The following MARVELD3 variants were observed in gnomAD, a reference collection of about 807,000 sequenced individuals.
MARVELD3 encodes MARVEL domain containing 3.
A neutral mutation model predicts 33.5 loss-of-function variants in MARVELD3; 28 were observed. The observed-to-expected ratio is 0.84, with a 90% CI of 0.62 to 1.15. The LOEUF is 1.15. Among genes scored for constraint, MARVELD3 ranks in the 50% most tolerant of loss-of-function variants. The pLI, the probability that MARVELD3 is intolerant of heterozygous loss-of-function variation, is 0.00. For synonymous variants in MARVELD3, 241 were observed against 230.4 expected (o/e 1.05, Z -0.42); for missense variants, 582 against 547.6 (o/e 1.06, Z -0.63).
chr16:71,626,936 G>T lies in MARVELD3; in HGVS notation c.467+240G>T, dbSNP rs1401548179. 3 of 438,740 alleles carry T rather than the reference G, an allele frequency of 6.8e-6. No homozygotes were observed. The highest frequency in any genetic ancestry group is 1.2e-5 in the Non-Finnish European group (3 of 253,532). 27.2% of individuals were successfully genotyped at this position (438,740 alleles called of 1,614,324 possible). A position where few individuals can be genotyped will look rare whatever the true frequency, so the allele number is the denominator to read the frequency against. ...AAACCACCCCTGTGAGCAGTGGCTG[G>T]GCTGGAGGACCTGGAGAAGAGAAAG... On this transcript the variant is annotated intron_variant, in intron 1 of 2. Coordinates refer to ENST00000268485, the MANE Select transcript of MARVELD3 (RefSeq NM_052858.6). This position sits in a 1 kb window ranked among gnomAD's most constrained non-coding sequence, Gnocchi z 5.3.
In MARVELD3 at chr16:71,634,902, G is replaced by A; in HGVS notation, c.*99G>A. The A allele has an allele frequency of 1.3e-6, 2 of 1,497,544 alleles. No individual in the cohort carries two copies. The highest frequency in any genetic ancestry group is 2.4e-5 in the Admixed American group (1 of 40,880). 92.8% of individuals were successfully genotyped at this position (1,497,544 alleles called of 1,614,324 possible). A position where few individuals can be genotyped will look rare whatever the true frequency, so the allele number is the denominator to read the frequency against. On this transcript the variant is annotated 3_prime_UTR_variant, in exon 3 of 3. Coordinates refer to ENST00000268485, the MANE Select transcript of MARVELD3 (RefSeq NM_052858.6). ...CCTTGTTGTGGAAGTTTCCAGTGCT[G>A]GAAAAGCAGCGAGCCAGCGTTGGTG...
chr16:71,639,017 A>G (rs2044599183), downstream of MARVELD3: 1 of 144,696 alleles, frequency 6.9e-6, no homozygotes, highest in Non-Finnish European at 1.5e-5. Flanking sequence ...TGAGACTGTT[A>G]CATACATGAA....
downstream of MARVELD3, chr16:71,640,242 G>A (rs748472111): frequency 6.0e-5 from 53 of 885,024 alleles, no homozygotes; most frequent in Non-Finnish European, 7.8e-5. Flanking sequence ...ACTCCAGCCT[G>A]GATGACAGAG....
At chr16:71,629,061 T>C in intron 1 of MARVELD3, 1 of 316,454 alleles carries the variant, frequency 3.2e-6, no homozygotes. Context: ...TGGTGCATGC[T>C]GAACTGAGAA....
intron 1 of MARVELD3, among the ~76,000 whole-genome samples, chr16:71,628,090 T>C (rs2044493234): frequency 2.0e-5 from 3 of 152,308 alleles, no homozygotes; most frequent in South Asian, 4.1e-4. Context: ...TGTTACATTA[T>C]CTAAAACTAA....
intron 2 of MARVELD3, among the ~76,000 whole-genome samples, chr16:71,633,549 A>G (rs1292161921): frequency 6.6e-6 from 1 of 152,056 alleles, no homozygotes; most frequent in Non-Finnish European, 1.5e-5. Flanking sequence ...GCTTACCACC[A>G]TGCCTGGCTA....
Position 71,626,581 on chromosome 16 carries a change from G to A in MARVELD3, c.352G>A (p.Gly118Arg). The A allele has an allele frequency of 6.5e-7, 1 of 1,545,568 alleles. No homozygotes were observed. The change falls in exon 1 of 3, where the codon GGA becomes AGA. Residue 118 changes from glycine (G) to arginine (R), a missense_variant. Transcript: ENST00000268485. The surrounding 1 kb of genome is among the most constrained non-coding windows in gnomAD (Gnocchi z 5.3). ...ACCGCGCCAAAGCCGGACGCGGGAC[G>A]GAGCCCGGGGACTGACCTGGGACGC... is the stretch of plus-strand genomic sequence containing the variant. ...EKPRQSRTRDGARGLTWDAAA... is the reference protein window; with the variant it reads ...EKPRQSRTRDRARGLTWDAAA...
chr16:71,629,621 C>T, intron 2 of MARVELD3, 127 bp downstream of exon 2: 1 of 515,824 alleles, frequency 1.9e-6, no homozygotes, highest in Non-Finnish European at 3.1e-6. Context: ...CATTTCTGTA[C>T]TTGTGAGGTT....
Position 71,629,491 on chromosome 16 carries a change from A to G in MARVELD3, c.592A>G (p.Arg198Gly). The G allele has an allele frequency of 6.4e-7, 1 of 1,568,326 alleles. No individual in the cohort carries two copies. Among genetic ancestry groups the G allele is most frequent in the Admixed American group, 2.0e-5 (1 of 50,726 alleles). Residue 198 changes from arginine (R) to glycine (G), a missense_variant, in exon 2 of 3, where the codon AGA becomes GGA. Transcript: ENST00000268485. ...CAAATGCAAATACTTGTGCACTGGG[A>G]GAGGTGAGCCGTTTTGCAGGCTGTT... ...CHKCKYLCTGRACCQMLEVLL... is the reference protein window; with the variant it reads ...CHKCKYLCTGGACCQMLEVLL...
downstream of MARVELD3, chr16:71,638,335 G>T (rs767223289): frequency 6.6e-6 from 1 of 152,334 alleles, no homozygotes. Context: ...GAAGTCGAAG[G>T]CCACTTAACA....
chr16:71,635,089 A>G lies in MARVELD3; in HGVS notation c.*286A>G. ...ACACCTGTAACCCCAGCACTTTGGG[A>G]GGCTGAGGTGGGTGGATCACTTGAG... is the stretch of plus-strand genomic sequence containing the variant. On this transcript the variant is annotated 3_prime_UTR_variant, in exon 3 of 3. Transcript: ENST00000268485. 1 of 1,054,044 alleles carries G rather than the reference A, an allele frequency of 9.5e-7. No individual in the cohort carries two copies. Among genetic ancestry groups the G allele is most frequent in the Non-Finnish European group, 1.2e-6 (1 of 866,930 alleles). 65.3% of individuals were successfully genotyped at this position (1,054,044 alleles called of 1,614,324 possible).
At chr16:71,637,719 T>G (rs1388346573), downstream of MARVELD3, 1 of 152,162 alleles carries the variant, frequency 6.6e-6, no homozygotes, top group African/African-American at 2.4e-5. Context: ...CCCTAGTGTG[T>G]TAGAGGGTTG....
At position 71,626,605 on chromosome 16, in the gene MARVELD3, G is replaced by T. The variant is rs1298428433; in HGVS notation, c.376G>T (p.Ala126Ser). ...CGGAGCCCGGGGACTGACCTGGGACGCAGCCGCGCCTCCTGGGCCCGCGCC... is the reference window on the plus strand; with the variant it reads ...CGGAGCCCGGGGACTGACCTGGGACTCAGCCGCGCCTCCTGGGCCCGCGCC... ...RDGARGLTWDAAAPPGPAPWE... is the reference protein window; with the variant it reads ...RDGARGLTWDSAAPPGPAPWE... Residue 126 changes from alanine (A) to serine (S), a missense_variant, in exon 1 of 3, where the codon GCA (alanine) becomes TCA (serine). By Grantham distance (99) the Ala-to-Ser change is moderately conservative (BLOSUM62 1). Coordinates refer to ENST00000268485, the MANE Select transcript of MARVELD3 (RefSeq NM_052858.6). The surrounding 1 kb of genome is among the most constrained non-coding windows in gnomAD (Gnocchi z 5.3). 1.9e-6 allele frequency: 3 copies of T among 1,541,538 alleles called. No individual in the cohort carries two copies. The highest frequency in any genetic ancestry group is 2.6e-6 in the Non-Finnish European group (3 of 1,145,950).
chr16:71,638,624 C>T (rs1162376498), downstream of MARVELD3: 2 of 152,114 alleles, frequency 1.3e-5, no homozygotes, highest in Admixed American at 6.5e-5. Context: ...AGAAACTTTT[C>T]GTTTTGAAAT....
chr16:71,638,218 T>G (rs2044594122), downstream of MARVELD3: 1 of 152,352 alleles, frequency 6.6e-6, no homozygotes, highest in Middle Eastern at 3.4e-3. Context: ...AGATCTTCAG[T>G]CTGTTGGCCT....
chr16:71,635,059 G>A lies in MARVELD3; in HGVS notation c.*256G>A. 4.3e-6 allele frequency: 5 copies of A among 1,151,878 alleles called. No individual in the cohort carries two copies. Among genetic ancestry groups the A allele is most frequent in the Non-Finnish European group, 4.3e-6 (4 of 931,004 alleles). 71.4% of individuals were successfully genotyped at this position (1,151,878 alleles called of 1,614,324 possible). On this transcript the variant is annotated 3_prime_UTR_variant, in exon 3 of 3. Transcript: ENST00000268485. ...AAGCAAAAAAATGGCCGGCCTCGGC[G>A]GCTCACACCTGTAACCCCAGCACTT...
chr16:71,641,320 G>A, downstream of MARVELD3: 1 of 333,916 alleles, frequency 3.0e-6, no homozygotes, highest in Non-Finnish European at 5.6e-6. Context: ...GGGCATGGTG[G>A]CTCACGCCTG....
At position 71,634,206 on chromosome 16, in the gene MARVELD3, G is replaced by T; in HGVS notation, c.609G>T (p.Met203Ile). 1 of 1,602,232 alleles carries T rather than the reference G, an allele frequency of 6.2e-7. No homozygotes were observed. Among genetic ancestry groups the T allele is most frequent in the Non-Finnish European group, 8.5e-7 (1 of 1,171,186 alleles). Residue 203 changes from methionine to isoleucine, a missense_variant, in exon 3 of 3, where the codon ATG becomes ATT. Met to Ile is a conservative substitution (Grantham distance 10). Transcript: ENST00000268485. ...YLCTGRACCQMLEVLLNLLIL... is the reference protein window; with the variant it reads ...YLCTGRACCQILEVLLNLLIL... ...CTTTTTTTGCAGCCTGCTGCCAAATGCTGGAGGTTCTCCTGAACTTGCTGA... is the reference window on the plus strand; with the variant it reads ...CTTTTTTTGCAGCCTGCTGCCAAATTCTGGAGGTTCTCCTGAACTTGCTGA...
chr16:71,628,092 T>C (rs2145271495), intron 1 of MARVELD3, among the ~76,000 whole-genome samples: 1 of 152,300 alleles, frequency 6.6e-6, no homozygotes, highest in Admixed American at 6.5e-5. Context: ...TTACATTATC[T>C]AAAACTAACT....
Sources: allele counts gnomAD v4.1 joint callset (sites outside exome capture counted in the v4.1 genomes callset), GRCh38; gene constraint gnomAD v4.1.1; non-coding constraint Gnocchi (gnomAD v3.1); transcripts MANE v1.5; gene names NCBI Gene and HGNC (gene_info 2026-07-23, HGNC 2026-07-21).